GALNT13: variants seen among roughly 807,000 people sequenced by gnomAD.
The protein encoded by GALNT13 is polypeptide N-acetylgalactosaminyltransferase 13.
Under a neutral mutation model 64.2 loss-of-function variants are expected in GALNT13, and 28 were observed. That is an observed-to-expected ratio of 0.44 (90% CI 0.32 to 0.60). GALNT13 has a LOEUF of 0.60. GALNT13 is among the 20% of genes least tolerant of loss of function. The pLI is 0.05. For synonymous variants in GALNT13, 214 were observed against 224.6 expected, an observed-to-expected ratio of 0.95 and a Z score of 0.42; for missense variants, 577 against 669.8, an observed-to-expected ratio of 0.86 and a Z score of 1.53.
At chr2:153,997,423 T>A (rs1172748101) in intron 3 of GALNT13, among the ~76,000 whole-genome samples, 1 of 152,144 alleles carries the variant, frequency 6.6e-6, no homozygotes, top group Non-Finnish European at 1.5e-5. Flanking sequence ...CTTAGGGGGA[T>A]ATTTTTGGCT....
intron 3 of GALNT13, among the ~76,000 whole-genome samples, chr2:154,082,381 A>C (rs1438552468): frequency 6.6e-6 from 1 of 151,654 alleles, no homozygotes. Context: ...ATTGAAAATT[A>C]ATTTGATTAT....
At chr2:154,377,336 G>A (rs1698046457) in intron 9 of GALNT13, among the ~76,000 whole-genome samples, 1 of 151,962 alleles carries the variant, frequency 6.6e-6, no homozygotes, top group Non-Finnish European at 1.5e-5. Context: ...CATGCTGATT[G>A]ACAATGGAAA....
chr2:153,230,220 G>A, the GALNT13 span, among the ~76,000 whole-genome samples: 5 of 152,114 alleles, frequency 3.3e-5, no homozygotes, highest in African/African-American at 9.7e-5. Context: ...CAAGAACTCC[G>A]TTGGAATTTG....
At chr2:153,256,060 G>A in the GALNT13 span, among the ~76,000 whole-genome samples, 1 of 152,124 alleles carries the variant, frequency 6.6e-6, no homozygotes, top group Admixed American at 6.5e-5. Flanking sequence ...CCTGCAGAGT[G>A]TTTTCCAACT....
the GALNT13 span, among the ~76,000 whole-genome samples, chr2:153,438,784 C>T: frequency 3.9e-5 from 6 of 152,250 alleles, no homozygotes; most frequent in South Asian, 1.2e-3. Context: ...CCTCCTTTAG[C>T]TCAGAGTAGT....
the GALNT13 span, among the ~76,000 whole-genome samples, chr2:153,549,876 C>A: frequency 6.6e-6 from 1 of 152,206 alleles, no homozygotes; most frequent in African/African-American, 2.4e-5. Flanking sequence ...CCAGAACTTT[C>A]TTCTTGTCTT....
At chr2:153,655,760 A>G in the GALNT13 span, among the ~76,000 whole-genome samples, 2 of 152,150 alleles carry the variant, frequency 1.3e-5, no homozygotes, top group South Asian at 4.1e-4. Context: ...ATTATTTCAT[A>G]TAAGAAAAAA....
intron 8 of GALNT13, among the ~76,000 whole-genome samples, chr2:154,291,795 CGCT>C (rs1450066060): frequency 8.5e-5 from 13 of 152,274 alleles, no homozygotes; most frequent in Non-Finnish European, 5.9e-5. Flanking sequence ...CAAGAGCGGA[CGCT>C]GAGGCCGAGG....
At chr2:154,154,920 C>T (rs1684310347) in intron 4 of GALNT13, among the ~76,000 whole-genome samples, 1 of 140,260 alleles carries the variant, frequency 7.1e-6, no homozygotes, top group Non-Finnish European at 1.6e-5. Context: ...TGTGGTTTTG[C>T]TGATTGTTTA....
chr2:153,407,428 T>C, the GALNT13 span, among the ~76,000 whole-genome samples: 4 of 152,218 alleles, frequency 2.6e-5, no homozygotes, highest in African/African-American at 9.7e-5. Flanking sequence ...TGCATATTAA[T>C]GTGAGATTTT....
At chr2:153,139,286 G>C in the GALNT13 span, among the ~76,000 whole-genome samples, 29 of 152,118 alleles carry the variant, frequency 1.9e-4, no homozygotes, top group South Asian at 3.5e-3. Context: ...ATATCTTCAT[G>C]ATTGGCTTTT....
chr2:153,398,571 C>T, the GALNT13 span, among the ~76,000 whole-genome samples: 2 of 152,022 alleles, frequency 1.3e-5, no homozygotes, highest in African/African-American at 2.4e-5. Context: ...TCTCCACATC[C>T]TCTCCAGCAC....
At chr2:154,114,576 T>C (rs112358780) in intron 3 of GALNT13, among the ~76,000 whole-genome samples, 10,879 of 152,154 alleles carry the variant, frequency 0.071, 464 homozygotes, top group Middle Eastern at 0.13. Flanking sequence ...GTCAGTAGTG[T>C]AGTGGGGTCC....
At chr2:153,977,821 C>T (rs1244831457) in intron 3 of GALNT13, among the ~76,000 whole-genome samples, 1 of 152,112 alleles carries the variant, frequency 6.6e-6, no homozygotes, top group Non-Finnish European at 1.5e-5. Flanking sequence ...ATGCCCTTTT[C>T]ATTAACTTTT....
intron 11 of GALNT13, among the ~76,000 whole-genome samples, chr2:154,418,995 A>G (rs961843949): frequency 7.9e-5 from 12 of 152,118 alleles, no homozygotes; most frequent in Non-Finnish European, 1.5e-4. Context: ...CCATCATAGT[A>G]ATTGTAAATA....
intron 3 of GALNT13, among the ~76,000 whole-genome samples, chr2:154,002,154 T>C (rs1695954048): frequency 6.6e-6 from 1 of 152,112 alleles, no homozygotes; most frequent in Non-Finnish European, 1.5e-5. Flanking sequence ...AATTCCTCTT[T>C]GGATTGAATT....
At chr2:153,918,189 A>G (rs1236901214) in intron 2 of GALNT13, among the ~76,000 whole-genome samples, 2 of 152,192 alleles carry the variant, frequency 1.3e-5, no homozygotes, top group Non-Finnish European at 2.9e-5. Context: ...TTAAATTGAA[A>G]TACTGTGTTT....
the GALNT13 span, among the ~76,000 whole-genome samples, chr2:153,803,882 A>T: frequency 6.6e-6 from 1 of 151,882 alleles, no homozygotes; most frequent in Non-Finnish European, 1.5e-5. Context: ...AGCCTTTATA[A>T]CTGTGAGAAA....
chr2:154,297,442 G>A (rs958407549), intron 8 of GALNT13, among the ~76,000 whole-genome samples: 1 of 152,066 alleles, frequency 6.6e-6, no homozygotes, highest in African/African-American at 2.4e-5. Context: ...AGAAAGGTGG[G>A]GTCCTAATTT....
Sources: gnomAD v4.1 joint callset for allele counts (sites outside exome capture counted in the v4.1 genomes callset) on GRCh38, gnomAD v4.1.1 for gene constraint, MANE v1.5 for transcripts, NCBI Gene and HGNC (gene_info 2026-07-23, HGNC 2026-07-21) for gene names.